The following KCNMB2 variants were observed in gnomAD, a reference collection of about 807,000 sequenced individuals.
KCNMB2 encodes calcium-activated potassium channel subunit beta-2.
In KCNMB2, 9 loss-of-function variants were observed where a neutral mutation model predicts 24.5. The observed-to-expected ratio is 0.37, with a 90% CI of 0.22 to 0.64. The LOEUF is 0.64. KCNMB2 is among the 30% of genes least tolerant of loss of function. The probability of loss-of-function intolerance (pLI) is 0.63; values close to 1 mark genes in which losing one functional copy is unlikely to be tolerated. For missense variants in KCNMB2, 226 were observed against 284.3 expected (o/e 0.79, Z 1.47); for synonymous variants, 109 against 104.4 (o/e 1.04, Z -0.27).
chr3:178,561,290 T>G (rs912509540), intron 1 of KCNMB2, among the ~76,000 whole-genome samples: 1 of 152,170 alleles, frequency 6.6e-6, no homozygotes, highest in African/African-American at 2.4e-5. Context: ...ATGCAAGGAT[T>G]ATTATAAAAT....
At chr3:178,571,332 C>A (rs1477771) in intron 1 of KCNMB2, among the ~76,000 whole-genome samples, 115,290 of 150,288 alleles carry the variant, frequency 0.77, 44,344 homozygotes, top group South Asian at 0.83. Flanking sequence ...TTTCACATTT[C>A]CCCTTTTGAT....
At chr3:178,614,420 G>A (rs1410440718) in intron 1 of KCNMB2, among the ~76,000 whole-genome samples, 9 of 149,652 alleles carry the variant, frequency 6.0e-5, no homozygotes, top group African/African-American at 2.2e-4. Flanking sequence ...GGCAGAAGGT[G>A]AAAGTCATGT....
At chr3:178,795,877 T>C (rs894594760) in intron 1 of KCNMB2, among the ~76,000 whole-genome samples, 3 of 152,330 alleles carry the variant, frequency 2.0e-5, no homozygotes, top group Admixed American at 2.0e-4. Flanking sequence ...TATTACAGAT[T>C]CTTTTAATGC....
chr3:178,802,666 C>T (rs533726587), intron 1 of KCNMB2, among the ~76,000 whole-genome samples: 174 of 152,304 alleles, frequency 1.1e-3, no homozygotes, highest in Non-Finnish European at 2.0e-3. Flanking sequence ...CCCAGAGATT[C>T]TCACTGGCCT....
chr3:178,707,459 A>T (rs1722315474), intron 1 of KCNMB2, among the ~76,000 whole-genome samples: 1 of 152,152 alleles, frequency 6.6e-6, no homozygotes, highest in African/African-American at 2.4e-5. Flanking sequence ...AGAGATAACA[A>T]GGATAAGAAC....
At chr3:178,614,294 T>C (rs1368863026) in intron 1 of KCNMB2, among the ~76,000 whole-genome samples, 1 of 108,352 alleles carries the variant, frequency 9.2e-6, no homozygotes, top group Non-Finnish European at 1.9e-5. Context: ...TATATATATA[T>C]ATGTATGTAT....
chr3:178,654,433 CA>C (rs1488551464), intron 1 of KCNMB2, among the ~76,000 whole-genome samples: 1 of 151,782 alleles, frequency 6.6e-6, no homozygotes, highest in Non-Finnish European at 1.5e-5. Flanking sequence ...CAAAGATGAC[CA>C]AAAATTTGAG....
At chr3:178,583,404 G>T (rs1717287400) in intron 1 of KCNMB2, among the ~76,000 whole-genome samples, 1 of 152,074 alleles carries the variant, frequency 6.6e-6, no homozygotes. Context: ...ACCTAATAAT[G>T]GCAAGTTTCC....
At chr3:178,760,660 A>G (rs1711821555) in intron 1 of KCNMB2, among the ~76,000 whole-genome samples, 2 of 151,672 alleles carry the variant, frequency 1.3e-5, no homozygotes, top group Admixed American at 1.3e-4. Flanking sequence ...AAATTAAAGG[A>G]AAAAGAAGAA....
At chr3:178,670,507 T>C (rs1290621109) in intron 1 of KCNMB2, among the ~76,000 whole-genome samples, 1 of 152,172 alleles carries the variant, frequency 6.6e-6, no homozygotes, top group East Asian at 1.9e-4. Context: ...TGTATTGATG[T>C]TAAGCAAGTT....
chr3:178,738,855 C>T (rs1302472593), intron 1 of KCNMB2, among the ~76,000 whole-genome samples: 1 of 152,148 alleles, frequency 6.6e-6, no homozygotes, highest in Non-Finnish European at 1.5e-5. Flanking sequence ...GATGTCTGTT[C>T]TCCGTGCTCA....
intron 1 of KCNMB2, among the ~76,000 whole-genome samples, chr3:178,689,487 T>C (rs1204541453): frequency 3.3e-5 from 5 of 151,878 alleles, no homozygotes; most frequent in Admixed American, 3.3e-4. Context: ...TACAAAAAAG[T>C]TAGCTGGGCG....
chr3:178,621,115 A>G (rs1005430014), intron 1 of KCNMB2, among the ~76,000 whole-genome samples: 1 of 152,216 alleles, frequency 6.6e-6, no homozygotes, highest in African/African-American at 2.4e-5. Flanking sequence ...AAGACGCAAG[A>G]GAGTACAAAC....
chr3:178,550,316 G>T (rs1715907621), intron 1 of KCNMB2, among the ~76,000 whole-genome samples: 1 of 151,504 alleles, frequency 6.6e-6, no homozygotes, highest in Non-Finnish European at 1.5e-5. Flanking sequence ...AAATTAGACG[G>T]GCATGGTGGC....
intron 1 of KCNMB2, among the ~76,000 whole-genome samples, chr3:178,616,543 G>A (rs1347321297): frequency 6.6e-6 from 1 of 152,194 alleles, no homozygotes; most frequent in East Asian, 1.9e-4. Context: ...TGCCTGGGGT[G>A]GAGGAGGGGC....
intron 1 of KCNMB2, among the ~76,000 whole-genome samples, chr3:178,723,966 A>AAAT (rs1193559811): frequency 6.6e-6 from 1 of 152,130 alleles, no homozygotes; most frequent in Non-Finnish European, 1.5e-5. Flanking sequence ...GTATCATTTT[A>AAAT]GTAGAACTAT....
At chr3:178,789,058 C>T (rs1713220559) in intron 1 of KCNMB2, among the ~76,000 whole-genome samples, 1 of 152,182 alleles carries the variant, frequency 6.6e-6, no homozygotes, top group Non-Finnish European at 1.5e-5. Context: ...AGTGTTTTGT[C>T]TGCAGTTTAC....
intron 1 of KCNMB2, among the ~76,000 whole-genome samples, chr3:178,539,335 GA>G (rs904745701): frequency 3.9e-5 from 6 of 151,950 alleles, no homozygotes; most frequent in East Asian, 1.9e-4. Context: ...AAAAAAACTA[GA>G]AAAAAATGCA....
intron 3 of KCNMB2, 27 bp downstream of exon 3, chr3:178,825,785 T>C (rs779261212): frequency 6.3e-7 from 1 of 1,577,234 alleles, no homozygotes. Context: ...GGTGGGACCC[T>C]GCTGTTTGTC....
Sources: allele counts gnomAD v4.1 joint callset (sites outside exome capture counted in the v4.1 genomes callset), GRCh38; gene constraint gnomAD v4.1.1; transcripts MANE v1.5; gene names NCBI Gene and HGNC (gene_info 2026-07-23, HGNC 2026-07-21).